PSD3: variants seen among roughly 807,000 people sequenced by gnomAD.
PSD3 encodes the protein PH and SEC7 domain-containing protein 3.
PSD3 carries 49 observed loss-of-function variants against 105.5 expected under a neutral mutation model. The ratio of observed to expected loss-of-function variants is 0.46; its 90% CI spans 0.37 to 0.59. The LOEUF is 0.59. PSD3 is among the 20% of genes least tolerant of loss of function. The pLI is 0.00. For synonymous variants in PSD3, 557 were observed against 457.8 expected, an observed-to-expected ratio of 1.22 and a Z score of -2.77; for missense variants, 1,561 against 1,263.8, an observed-to-expected ratio of 1.24 and a Z score of -3.57.
intron 4 of PSD3, among the ~76,000 whole-genome samples, chr8:18,836,952 GT>G (rs772758713): frequency 0.047 from 6,391 of 137,130 alleles, 129 homozygotes; most frequent in South Asian, 0.097. Context: ...TTTCTTACGT[GT>G]TTTTTTTTTT....
chr8:18,821,077 G>C (rs1166815232), intron 4 of PSD3, among the ~76,000 whole-genome samples: 1 of 152,002 alleles, frequency 6.6e-6, no homozygotes, highest in East Asian at 1.9e-4. Context: ...TTAAAAACAA[G>C]ATTTTATTCT....
At chr8:18,710,599 G>A (rs990545576) in intron 9 of PSD3, among the ~76,000 whole-genome samples, 11 of 152,132 alleles carry the variant, frequency 7.2e-5, no homozygotes, top group African/African-American at 2.7e-4. Flanking sequence ...AAAAAGGCCA[G>A]GTCACTTACA....
chr8:18,666,716 CT>C (rs1304985169), intron 9 of PSD3, among the ~76,000 whole-genome samples: 14 of 138,530 alleles, frequency 1.0e-4, no homozygotes, highest in African/African-American at 3.6e-4. Context: ...TTCACTATTG[CT>C]TTTTTTTGGG....
intron 12 of PSD3, among the ~76,000 whole-genome samples, chr8:18,596,399 A>C (rs1804097351): frequency 6.6e-6 from 1 of 152,042 alleles, no homozygotes; most frequent in South Asian, 2.1e-4. Flanking sequence ...GAAATAAACG[A>C]AATAGAGAAA....
At chr8:19,081,698 T>C (rs1256450746) in intron 1 of PSD3, among the ~76,000 whole-genome samples, 3 of 152,242 alleles carry the variant, frequency 2.0e-5, no homozygotes, top group African/African-American at 7.2e-5. Context: ...TCATTCCTTA[T>C]AATACTTGGA....
At chr8:18,767,337 A>C (rs557869666) in intron 8 of PSD3, among the ~76,000 whole-genome samples, 1 of 152,352 alleles carries the variant, frequency 6.6e-6, no homozygotes, top group South Asian at 2.1e-4. Flanking sequence ...GGTTCCGTAT[A>C]GACAGCAAGA....
At chr8:18,919,828 C>T (rs1005438871) in intron 2 of PSD3, among the ~76,000 whole-genome samples, 6 of 122,804 alleles carry the variant, frequency 4.9e-5, no homozygotes, top group East Asian at 2.3e-4. Flanking sequence ...GGAAGGGGAA[C>T]ATCACACTCT....
intron 8 of PSD3, among the ~76,000 whole-genome samples, chr8:18,790,074 G>A (rs1489191572): frequency 1.3e-5 from 2 of 152,022 alleles, no homozygotes; most frequent in African/African-American, 4.8e-5. Flanking sequence ...GCTAGAGGGT[G>A]GGGAAAGGGG....
chr8:18,881,786 G>T (rs78443712), intron 2 of PSD3, among the ~76,000 whole-genome samples: 2,118 of 152,250 alleles, frequency 0.014, 65 homozygotes, highest in African/African-American at 0.048. Context: ...AACTCTAAAA[G>T]GCAAGAACTT....
chr8:18,790,901 G>A (rs528577159), intron 8 of PSD3, among the ~76,000 whole-genome samples: 3 of 152,242 alleles, frequency 2.0e-5, no homozygotes, highest in East Asian at 3.9e-4. Flanking sequence ...AGATCAATGT[G>A]CAAAAATCAC....
chr8:18,564,360 G>A (rs965634077), intron 14 of PSD3, among the ~76,000 whole-genome samples: 3 of 152,154 alleles, frequency 2.0e-5, no homozygotes, highest in African/African-American at 7.2e-5. Context: ...CAGGCACGGT[G>A]GCTCACGCCT....
chr8:18,762,765 A>G (rs60507018), intron 9 of PSD3: 7,366 of 383,822 alleles, frequency 0.019, 499 homozygotes, highest in African/African-American at 0.14. Flanking sequence ...AATATTAATT[A>G]AATCAACTGA....
chr8:18,808,747 A>C (rs1282512668), intron 4 of PSD3: 5 of 1,614,096 alleles, frequency 3.1e-6, no homozygotes, highest in Non-Finnish European at 3.4e-6. Flanking sequence ...ATGGCAATAT[A>C]AACTTACCAG....
At chr8:19,063,329 C>A (rs1415190272) in intron 1 of PSD3, among the ~76,000 whole-genome samples, 2 of 152,192 alleles carry the variant, frequency 1.3e-5, no homozygotes. Flanking sequence ...TTGTTAAAAT[C>A]ATCTTTTGAA....
At chr8:18,735,491 G>A (rs962384101) in intron 9 of PSD3, among the ~76,000 whole-genome samples, 2 of 152,122 alleles carry the variant, frequency 1.3e-5, no homozygotes, top group African/African-American at 4.8e-5. Context: ...TTTCTTTGCT[G>A]CCTTTACACT....
At chr8:18,543,262 T>C (rs1158836824) in intron 15 of PSD3, among the ~76,000 whole-genome samples, 1 of 147,292 alleles carries the variant, frequency 6.8e-6, no homozygotes, top group African/African-American at 2.4e-5. Flanking sequence ...AACCCCTCCT[T>C]ATTACATTTT....
At chr8:18,698,279 T>A (rs1801375145) in intron 9 of PSD3, among the ~76,000 whole-genome samples, 1 of 152,182 alleles carries the variant, frequency 6.6e-6, no homozygotes, top group Non-Finnish European at 1.5e-5. Flanking sequence ...TAACATTTTT[T>A]AATTTTTTAA....
At chr8:18,949,708 C>T (rs1020354822) in intron 1 of PSD3, among the ~76,000 whole-genome samples, 1 of 152,020 alleles carries the variant, frequency 6.6e-6, no homozygotes, top group African/African-American at 2.4e-5. Flanking sequence ...TTATGAAGAA[C>T]TGTCCATAAA....
chr8:18,819,329 T>G (rs899899926), intron 4 of PSD3, among the ~76,000 whole-genome samples: 1 of 151,960 alleles, frequency 6.6e-6, no homozygotes, highest in Admixed American at 6.6e-5. Context: ...CCAGCTTGAA[T>G]CACCAAAAAG....
Sources: gnomAD v4.1 joint callset for allele counts (sites outside exome capture counted in the v4.1 genomes callset) on GRCh38, gnomAD v4.1.1 for gene constraint, MANE v1.5 for transcripts, NCBI Gene and HGNC (gene_info 2026-07-23, HGNC 2026-07-21) for gene names.